The following OOSP1 variants were observed in gnomAD, a reference collection of about 807,000 sequenced individuals.
OOSP1 encodes putative oocyte-secreted protein 1 homolog.
A neutral mutation model predicts 5.7 loss-of-function variants in OOSP1; 11 were observed. The observed-to-expected ratio is 1.94, with a 90% CI of 1.22 to 3.20. The LOEUF (loss-of-function observed/expected upper bound fraction) is 3.20. Ranked by LOEUF, OOSP1 falls within the 30% of genes most tolerant of loss-of-function variation. OOSP1 has a pLI of 0.00. For synonymous variants in OOSP1, 44 were observed against 20.0 expected (o/e 2.20, Z -3.20); for missense variants, 83 against 54.1 (o/e 1.53, Z -1.67).
intron 4 of OOSP1, among the ~76,000 whole-genome samples, chr11:59,956,400 A>T (rs1431816454): frequency 6.6e-6 from 1 of 151,990 alleles, no homozygotes; most frequent in Non-Finnish European, 1.5e-5. Flanking sequence ...CAGAGCCTTA[A>T]GATAGTCCTG....
intron 2 of OOSP1, among the ~76,000 whole-genome samples, chr11:59,944,546 C>T (rs1853863348): frequency 6.6e-6 from 1 of 151,910 alleles, no homozygotes; most frequent in African/African-American, 2.4e-5. Flanking sequence ...CCTATGCTGT[C>T]AAAGATTGGG....
chr11:59,956,933 G>T (rs1490888379), intron 4 of OOSP1, among the ~76,000 whole-genome samples: 1 of 151,750 alleles, frequency 6.6e-6, no homozygotes, highest in Non-Finnish European at 1.5e-5. Flanking sequence ...ATATATAACA[G>T]TTTCTTTATC....
intron 4 of OOSP1, among the ~76,000 whole-genome samples, chr11:59,955,073 T>C (rs1234438994): frequency 6.6e-6 from 1 of 152,126 alleles, no homozygotes; most frequent in Non-Finnish European, 1.5e-5. Context: ...TATTTTTTCC[T>C]AATACTTTAG....
chr11:59,956,198 T>C (rs553473490), intron 4 of OOSP1, among the ~76,000 whole-genome samples: 113 of 151,724 alleles, frequency 7.4e-4, no homozygotes, highest in African/African-American at 2.7e-3. Flanking sequence ...CTTCTTCTTC[T>C]TCTTTTTTTT....
At chr11:59,949,763 G>T (rs910362553) in intron 4 of OOSP1, among the ~76,000 whole-genome samples, 1 of 152,162 alleles carries the variant, frequency 6.6e-6, no homozygotes, top group Non-Finnish European at 1.5e-5. Flanking sequence ...TTATGATCAG[G>T]ATCACCCTGG....
chr11:59,956,267 A>G (rs1565234860), intron 4 of OOSP1, among the ~76,000 whole-genome samples: 1 of 152,012 alleles, frequency 6.6e-6, no homozygotes, highest in Non-Finnish European at 1.5e-5. Context: ...TGTGAACCAA[A>G]AGCATGATAG....
chr11:59,951,320 CGCT>C (rs955840148), intron 4 of OOSP1, among the ~76,000 whole-genome samples: 11 of 151,864 alleles, frequency 7.2e-5, no homozygotes, highest in African/African-American at 2.7e-4. Context: ...AGAGACAGAT[CGCT>C]GAGCACAGTT....
At chr11:59,952,170 T>G (rs1853946252) in intron 4 of OOSP1, among the ~76,000 whole-genome samples, 1 of 152,148 alleles carries the variant, frequency 6.6e-6, no homozygotes, top group Admixed American at 6.5e-5. Flanking sequence ...ATAAAGTTAT[T>G]TATCAGAGGC....
At chr11:59,947,807 T>G (rs1008944953) in exon 4 of OOSP1, 60 of 398,688 alleles carry the variant, frequency 1.5e-4, no homozygotes, top group Non-Finnish European at 5.3e-5. Context: ...GAGATAGAGG[T>G]GAGGATACAC....
intron 1 of OOSP1, among the ~76,000 whole-genome samples, chr11:59,941,199 A>G (rs1404178293): frequency 6.6e-6 from 1 of 152,094 alleles, no homozygotes; most frequent in East Asian, 1.9e-4. Flanking sequence ...TTTTTCACTC[A>G]GTGTAATTCC....
In OOSP1 at chr11:59,939,729, C is replaced by A. The variant is rs530007517; in HGVS notation, c.76+1199C>A. 2.6e-5 allele frequency among the ~76,000 whole-genome samples: 4 copies of A among 150,948 alleles called. No homozygotes were observed. The East Asian group carries it at 7.8e-4, about 29-fold the overall frequency. On this transcript the variant is annotated intron_variant, in intron 1 of 4. Coordinates refer to ENST00000646685, the Ensembl canonical transcript of OOSP1. ...TTCCCTTCCTCTTTCTCTTTCTCTTCTTTTTCTCTTTTTTCTTTTTCTCTT... is the reference window on the plus strand; with the variant it reads ...TTCCCTTCCTCTTTCTCTTTCTCTTATTTTTCTCTTTTTTCTTTTTCTCTT...
intron 4 of OOSP1, among the ~76,000 whole-genome samples, chr11:59,949,489 A>T (rs988935389): frequency 6.6e-6 from 1 of 151,878 alleles, no homozygotes; most frequent in African/African-American, 2.4e-5. Context: ...CTTAAAGTAT[A>T]ATAATAATAA....
chr11:59,946,543 T>C (rs1305557775), intron 3 of OOSP1, among the ~76,000 whole-genome samples: 1 of 152,140 alleles, frequency 6.6e-6, no homozygotes, highest in Non-Finnish European at 1.5e-5. Flanking sequence ...CCCTAGAACA[T>C]AGGAATACTA....
At chr11:59,939,442 G>T (rs1436128637) in intron 1 of OOSP1, among the ~76,000 whole-genome samples, 1 of 151,972 alleles carries the variant, frequency 6.6e-6, no homozygotes, top group Non-Finnish European at 1.5e-5. Flanking sequence ...AGTAGAGACG[G>T]GGTTTTACCA....
At chr11:59,945,419 G>A (rs756961791) in intron 3 of OOSP1, 153 bp downstream of exon 3, 13 of 689,876 alleles carry the variant, frequency 1.9e-5, no homozygotes, top group Non-Finnish European at 2.9e-5. Flanking sequence ...TTGATCCTTG[G>A]TGTCTTAGTC....
intron 4 of OOSP1, chr11:59,948,567 C>A (rs1853910258): frequency 2.6e-6 from 1 of 391,468 alleles, no homozygotes; most frequent in Non-Finnish European, 4.5e-6. Flanking sequence ...TCTTCTCCTC[C>A]CTTACCTCCC....
At chr11:59,952,021 A>G (rs538409357) in intron 4 of OOSP1, among the ~76,000 whole-genome samples, 1 of 152,162 alleles carries the variant, frequency 6.6e-6, no homozygotes, top group South Asian at 2.1e-4. Flanking sequence ...TATATTTGGT[A>G]TAATATGAAT....
chr11:59,946,952 T>TATCTATC (rs1555022195), intron 3 of OOSP1, among the ~76,000 whole-genome samples: 2 of 151,384 alleles, frequency 1.3e-5, no homozygotes, highest in Non-Finnish European at 2.9e-5. Flanking sequence ...TCTATCTATC[T>TATCTATC]ATCTATCTAT....
intron 3 of OOSP1, among the ~76,000 whole-genome samples, chr11:59,946,489 C>A (rs1176097949): frequency 6.6e-6 from 1 of 152,172 alleles, no homozygotes; most frequent in Non-Finnish European, 1.5e-5. Context: ...GATTCCAAAC[C>A]ATATCACTTG....
Sources: gnomAD v4.1 joint callset for allele counts (sites outside exome capture counted in the v4.1 genomes callset) on GRCh38, gnomAD v4.1.1 for gene constraint, MANE v1.5 for transcripts, NCBI Gene and HGNC (gene_info 2026-07-23, HGNC 2026-07-21) for gene names.